The following GRIA1 variants were observed in gnomAD, a reference collection of about 807,000 sequenced individuals.
GRIA1 encodes glutamate ionotropic receptor AMPA type subunit 1.
Under a neutral mutation model 99.2 loss-of-function variants are expected in GRIA1, and 31 were observed. The observed-to-expected ratio is 0.31, with a 90% CI of 0.23 to 0.42. The LOEUF is 0.42. GRIA1 is among the 10% of genes least tolerant of loss of function. GRIA1 has a pLI of 1.00. For missense variants in GRIA1, 782 were observed against 1,157.5 expected (o/e 0.68, Z 4.71); for synonymous variants, 438 against 432.4 (o/e 1.01, Z -0.16).
In GRIA1 at chr5:153,677,033, G is replaced by T; in HGVS notation, c.901G>T (p.Ala301Ser). ...CACCTACGATGGGGTGAAGGTGATG[G>T]CTGAGGCTTTCCAGAGCCTGCGGAG... is the stretch of plus-strand genomic sequence containing the variant. The part of the protein sequence containing the change: ...ALTYDGVKVM[A>S]EAFQSLRRQR... The change falls in exon 7 of 16, where the codon GCT (alanine) becomes TCT (serine). Residue 301 changes from alanine to serine, a missense_variant. Coordinates refer to ENST00000285900, the MANE Select transcript of GRIA1 (RefSeq NM_000827.4). 6.4e-7 allele frequency: 1 copy of T among 1,564,114 alleles called. No individual in the cohort carries two copies. The highest frequency in any genetic ancestry group is 1.4e-5 in the African/African-American group (1 of 73,488).
chr5:153,686,202 C>T, intron 7 of GRIA1, 23 bp from the exon 8 acceptor site: 2 of 1,550,616 alleles, frequency 1.3e-6, no homozygotes, highest in South Asian at 1.1e-5. Flanking sequence ...GTTCACTGCC[C>T]ACCACTTGGT....
At chr5:153,637,956 C>T (rs1753501346) in intron 2 of GRIA1, among the ~76,000 whole-genome samples, 1 of 152,148 alleles carries the variant, frequency 6.6e-6, no homozygotes, top group Admixed American at 6.5e-5. Flanking sequence ...TTCAAGTGGG[C>T]TTAAATCTCA....
intron 2 of GRIA1, among the ~76,000 whole-genome samples, chr5:153,627,187 G>A (rs983534202): frequency 2.0e-5 from 3 of 152,176 alleles, no homozygotes; most frequent in African/African-American, 7.2e-5. Context: ...GATAACTGCA[G>A]CAACAGAAAC....
chr5:153,789,920 T>TAGTAGCTA (rs1490740881), intron 13 of GRIA1, among the ~76,000 whole-genome samples: 1 of 152,220 alleles, frequency 6.6e-6, no homozygotes, highest in Admixed American at 6.5e-5. Flanking sequence ...TCAACAATAG[T>TAGTAGCTA]AGTAGCTAAG....
In GRIA1 at chr5:153,522,493, A is replaced by G. The variant is rs536363277; in HGVS notation, c.220+28428A>G. On this transcript the variant is annotated intron_variant, in intron 2 of 15. Coordinates refer to ENST00000285900, the MANE Select transcript of GRIA1 (RefSeq NM_000827.4). Reference sequence around the variant, plus strand: ...AAGTTAGGCCAGGTTATACCACAGTAACAAATGACCCCCAAACTTCCATGG... The same window carrying G: ...AAGTTAGGCCAGGTTATACCACAGTGACAAATGACCCCCAAACTTCCATGG... Among the ~76,000 whole-genome samples, 19 of 152,312 alleles carry G rather than the reference A, an allele frequency of 1.2e-4. No individual in the cohort carries two copies. In the South Asian group the frequency reaches 3.9e-3, roughly 32 times the overall value.
chr5:153,768,948 T>C (rs377189398), intron 12 of GRIA1, among the ~76,000 whole-genome samples: 32 of 152,296 alleles, frequency 2.1e-4, no homozygotes, highest in African/African-American at 7.7e-4. Flanking sequence ...AGAAACAGTA[T>C]GCTAGATGAG....
upstream of GRIA1, chr5:153,489,730 T>A: frequency 2.2e-6 from 1 of 454,910 alleles, no homozygotes; most frequent in Non-Finnish European, 4.4e-6. Context: ...TAGGAGAGTC[T>A]ATGAAGTTCC....
At chr5:153,510,746 A>G (rs1300222299) in intron 2 of GRIA1, among the ~76,000 whole-genome samples, 1 of 152,222 alleles carries the variant, frequency 6.6e-6, no homozygotes, top group Non-Finnish European at 1.5e-5. Context: ...GATTTTATTT[A>G]GCAAGTACTA....
intron 11 of GRIA1, among the ~76,000 whole-genome samples, chr5:153,748,196 TAAGAG>T (rs558304144): frequency 3.0e-4 from 45 of 152,088 alleles, no homozygotes; most frequent in African/African-American, 9.9e-4. Flanking sequence ...ATGAAAAAAA[TAAGAG>T]AAAAGATGGG....
In GRIA1 at chr5:153,767,359, A is replaced by G. The variant is rs185861236; in HGVS notation, c.2022+2727A>G. Among the ~76,000 whole-genome samples, 17 of 152,350 alleles carry G rather than the reference A, an allele frequency of 1.1e-4. No homozygotes were observed. The East Asian group carries it at 2.3e-3, about 21-fold the overall frequency. The stretch of plus-strand genomic sequence containing the variant: ...TTTCAGCTAATAAGATATAAAGCCT[A>G]AAATGAGGGAGGCAGCTGGTTGCAG... On this transcript the variant is annotated intron_variant, in intron 12 of 15. Transcript: ENST00000285900.
intron 11 of GRIA1, among the ~76,000 whole-genome samples, chr5:153,709,230 G>A (rs748604599): frequency 2.0e-5 from 3 of 152,146 alleles, no homozygotes; most frequent in Admixed American, 1.3e-4. Flanking sequence ...AGACACTCTG[G>A]GTGCTGCAGT....
intron 2 of GRIA1, among the ~76,000 whole-genome samples, chr5:153,622,861 C>T (rs527670682): frequency 2.2e-4 from 33 of 152,222 alleles, no homozygotes; most frequent in Admixed American, 3.9e-4. Context: ...AAGAAATTAG[C>T]CTATTACTGT....
chr5:153,717,620 G>C (rs1759760331), intron 11 of GRIA1, among the ~76,000 whole-genome samples: 1 of 152,128 alleles, frequency 6.6e-6, no homozygotes, highest in South Asian at 2.1e-4. Flanking sequence ...GGCTATTAAA[G>C]TGTCACCTTA....
chr5:153,810,036 TATC>T (rs1435122025), intron 15 of GRIA1, among the ~76,000 whole-genome samples: 8 of 152,222 alleles, frequency 5.3e-5, no homozygotes, highest in African/African-American at 1.9e-4. Flanking sequence ...CTGGATTTCC[TATC>T]ATCAATGGTC....
intron 13 of GRIA1, among the ~76,000 whole-genome samples, chr5:153,780,900 A>G (rs1031056230): frequency 2.0e-5 from 3 of 152,118 alleles, no homozygotes; most frequent in Non-Finnish European, 4.4e-5. Flanking sequence ...GAAATTTCAG[A>G]ATACCAAATG....
intron 13 of GRIA1, among the ~76,000 whole-genome samples, 194 bp downstream of exon 13, chr5:153,770,609 C>T (rs570318116): frequency 6.6e-6 from 1 of 152,262 alleles, no homozygotes; most frequent in East Asian, 1.9e-4. Flanking sequence ...GACCTGGGGG[C>T]CTCAGCTTGC....
intron 11 of GRIA1, among the ~76,000 whole-genome samples, chr5:153,751,809 A>G (rs538019426): frequency 2.6e-4 from 39 of 152,336 alleles, no homozygotes; most frequent in Non-Finnish European, 4.8e-4. Context: ...AACGATACAT[A>G]CACTATTTTG....
intron 2 of GRIA1, among the ~76,000 whole-genome samples, chr5:153,545,396 G>A (rs1759513712): frequency 6.6e-6 from 1 of 152,176 alleles, no homozygotes; most frequent in African/African-American, 2.4e-5. Context: ...TAGGCTGGAT[G>A]TCTTCAGGGA....
intron 5 of GRIA1, among the ~76,000 whole-genome samples, chr5:153,664,841 T>A (rs1199066461): frequency 2.0e-5 from 3 of 152,244 alleles, no homozygotes; most frequent in South Asian, 4.1e-4. Context: ...AAACATTCAA[T>A]GGGCACCTAC....
Sources: allele counts gnomAD v4.1 joint callset (sites outside exome capture counted in the v4.1 genomes callset), GRCh38; gene constraint gnomAD v4.1.1; transcripts MANE v1.5; gene names NCBI Gene and HGNC (gene_info 2026-07-23, HGNC 2026-07-21).